The following GEM variants were observed in gnomAD, a reference collection of about 807,000 sequenced individuals.
GEM encodes GTP-binding protein GEM.
In GEM, 31 loss-of-function variants were observed where a neutral mutation model predicts 33.0. The observed-to-expected ratio is 0.94, with a 90% confidence interval of 0.71 to 1.27. The LOEUF is 1.27. Among genes scored for constraint, GEM ranks in the 50% most tolerant of loss-of-function variants. GEM has a pLI of 0.00. For missense variants in GEM, 354 were observed against 390.5 expected, an observed-to-expected ratio of 0.91 and a Z score of 0.79; for synonymous variants, 141 against 143.7, an observed-to-expected ratio of 0.98 and a Z score of 0.13.
rs759984927 is a variant in GEM, at chr8:94,260,150, C to G, written c.331+23G>C. On this transcript the variant is annotated intron_variant, in intron 2 of 4. Transcript: ENST00000297596. ...CTGGGCCACCCCTGGTGGAAAGAAG[C>G]CCACTGGGGCTGGGACACCTACCTC... is the stretch of plus-strand genomic sequence containing the variant. 12 of 1,493,806 alleles carry G rather than the reference C, an allele frequency of 8.0e-6. No individual in the cohort carries two copies. In the South Asian group the frequency reaches 1.3e-4, roughly 16 times the overall value. The allele number at this position is 1,493,806 out of a possible 1,614,324, so 92.5% of individuals were successfully genotyped here.
rs1378667182 is a variant in GEM, at chr8:94,260,391, T to C, written c.113A>G (p.His38Arg). ...ATGGCGGTTGCGGTGGCTGTACTGG[T>C]GGGGCTCTTTCTGGACCATCAGATG... ...GRHLMVQKEP[H>R]QYSHRNRHSA... Residue 38 changes from histidine (H) to arginine (R), a missense_variant, in exon 2 of 5, where the codon CAC becomes CGC. Physicochemically the swap from His to Arg is conservative, Grantham distance 29. Coordinates refer to ENST00000297596, the MANE Select transcript of GEM (RefSeq NM_005261.4). The C allele has an allele frequency of 6.2e-7, 1 of 1,613,970 alleles. No homozygotes were observed. The highest frequency in any genetic ancestry group is 1.7e-5 in the Admixed American group (1 of 60,004).
intron 2 of GEM, among the ~76,000 whole-genome samples, chr8:94,259,407 C>T (rs1449694693): frequency 1.3e-5 from 2 of 152,126 alleles, no homozygotes; most frequent in African/African-American, 4.8e-5. Flanking sequence ...CTACCCTGGT[C>T]GCATACGCTC....
intron 2 of GEM, among the ~76,000 whole-genome samples, chr8:94,253,828 C>G (rs941040389): frequency 1.3e-5 from 2 of 152,122 alleles, no homozygotes; most frequent in African/African-American, 4.8e-5. Flanking sequence ...TGGGCCAAAG[C>G]AGTTCCAGCC....
chr8:94,259,927 A>T lies in GEM; in HGVS notation c.331+246T>A, dbSNP rs1586066018. ...AATCAGCCTTCCCCAACCCATTTAG[A>T]ATTGGAATCTGAAGAATTCCCTTTC... On this transcript the variant is annotated intron_variant, in intron 2 of 4. Coordinates refer to ENST00000297596, the MANE Select transcript of GEM (RefSeq NM_005261.4). 2.0e-5 allele frequency: 9 copies of T among 449,136 alleles called. No individual in the cohort carries two copies. The East Asian group carries it at 3.1e-4, about 16-fold the overall frequency. 27.8% of individuals were successfully genotyped at this position (449,136 alleles called of 1,614,324 possible).
chr8:94,250,116 T>C lies in GEM; in HGVS notation c.*194A>G. ...TCAAATAGCAAGGTCAGGCTTTTCC[T>C]GGAAATAAATACTGACTTTTTACAA... On this transcript the variant is annotated 3_prime_UTR_variant, in exon 5 of 5. Coordinates refer to ENST00000297596, the MANE Select transcript of GEM (RefSeq NM_005261.4). 1.7e-6 allele frequency: 1 copy of C among 579,604 alleles called. No individual in the cohort carries two copies. Among genetic ancestry groups the C allele is most frequent in the Non-Finnish European group, 3.0e-6 (1 of 330,472 alleles). 35.9% of individuals were successfully genotyped at this position (579,604 alleles called of 1,614,324 possible). A position where few individuals can be genotyped will look rare whatever the true frequency, so the allele number is the denominator to read the frequency against.
At position 94,252,136 on chromosome 8, in the gene GEM, C is replaced by G; in HGVS notation, c.496G>C (p.Glu166Gln). ...TGGATTCGCAGCTCAGATGCCTTCT[C>G]GAAGCTCGCTCGGTCTGTGATTGAG... ...VYSITDRASF[E>Q]KASELRIQLR... Residue 166 changes from glutamate to glutamine, a missense_variant, in exon 4 of 5, where the codon GAG becomes CAG. Glu to Gln is a conservative substitution (Grantham distance 29). Transcript: ENST00000297596. The G allele has an allele frequency of 2.5e-6, 4 of 1,613,768 alleles. No individual in the cohort carries two copies. Among genetic ancestry groups the G allele is most frequent in the Non-Finnish European group, 3.4e-6 (4 of 1,179,682 alleles).
chr8:94,252,936 T>A, intron 3 of GEM, 100 bp downstream of exon 3: 1 of 684,972 alleles, frequency 1.5e-6, no homozygotes, highest in East Asian at 2.6e-5. Context: ...GCCCACCTCA[T>A]CTGGAACACC....
intron 2 of GEM, among the ~76,000 whole-genome samples, chr8:94,257,820 T>C (rs976370079): frequency 2.0e-5 from 3 of 151,870 alleles, no homozygotes; most frequent in Admixed American, 6.6e-5. Flanking sequence ...GAAATCATTA[T>C]GAGAATATTA....
chr8:94,251,275 A>T (rs1246892157), intron 4 of GEM, among the ~76,000 whole-genome samples: 3 of 152,230 alleles, frequency 2.0e-5, no homozygotes, highest in African/African-American at 7.2e-5. Context: ...CAAGTATTTC[A>T]TTGCATTCAA....
chr8:94,255,929 T>C (rs1355537092), intron 2 of GEM, among the ~76,000 whole-genome samples: 1 of 152,184 alleles, frequency 6.6e-6, no homozygotes, highest in African/African-American at 2.4e-5. Flanking sequence ...TTTCCTCATT[T>C]GATCCCCCTG....
intron 2 of GEM, among the ~76,000 whole-genome samples, chr8:94,255,433 C>T (rs1808869577): frequency 2.0e-5 from 3 of 152,144 alleles, no homozygotes; most frequent in Admixed American, 6.5e-5. Context: ...CTGCTCAGCA[C>T]GTGTGCTCCC....
chr8:94,259,080 T>A (rs555522301), intron 2 of GEM, among the ~76,000 whole-genome samples: 10 of 152,312 alleles, frequency 6.6e-5, no homozygotes, highest in African/African-American at 2.4e-4. Flanking sequence ...TCTTCTGAGA[T>A]TCCAGGAGTG....
chr8:94,252,099 G>T lies in GEM; in HGVS notation c.533C>A (p.Ala178Asp). 3 of 1,614,046 alleles carry T rather than the reference G, an allele frequency of 1.9e-6. No individual in the cohort carries two copies. The highest frequency in any genetic ancestry group is 2.5e-6 in the Non-Finnish European group (3 of 1,179,940). Residue 178 changes from alanine to aspartate, a missense_variant, in exon 4 of 5, where the codon GCC (alanine) becomes GAC (aspartate). Transcript: ENST00000297596. ...ASELRIQLRR[A>D]RQTEDIPIIL... ...TATGGGAATGTCCTCTGTCTGCCGG[G>T]CCCTGCGGAGCTGGATTCGCAGCTC...
At chr8:94,261,798 G>A (rs1489197370) in intron 1 of GEM, among the ~76,000 whole-genome samples, 1 of 152,038 alleles carries the variant, frequency 6.6e-6, no homozygotes, top group East Asian at 1.9e-4. Context: ...TAAAGTATAA[G>A]TACTTACGTT....
chr8:94,251,382 T>C (rs1563605158), intron 4 of GEM, among the ~76,000 whole-genome samples: 1 of 152,214 alleles, frequency 6.6e-6, no homozygotes, highest in Non-Finnish European at 1.5e-5. Flanking sequence ...GTACATTGTC[T>C]TTATCAGGTG....
At position 94,253,944 on chromosome 8, in the gene GEM, A is replaced by T. The variant is rs542546937; in HGVS notation, c.332-832T>A. 8.5e-5 allele frequency among the ~76,000 whole-genome samples: 13 copies of T among 152,298 alleles called. No homozygotes were observed. In the South Asian group the frequency reaches 1.2e-3, roughly 15 times the overall value. On this transcript the variant is annotated intron_variant, in intron 2 of 4. Coordinates refer to ENST00000297596, the MANE Select transcript of GEM (RefSeq NM_005261.4). Reference sequence around the variant, plus strand: ...TTGAGCCCATCCCCACTCTATTTTCACAATGAGGTTTCCTGTTTTGAATTT... The same window carrying T: ...TTGAGCCCATCCCCACTCTATTTTCTCAATGAGGTTTCCTGTTTTGAATTT...
At position 94,260,499 on chromosome 8, in the gene GEM, G is replaced by A. The variant is rs746033873; in HGVS notation, c.5C>T (p.Thr2Ile). The A allele has an allele frequency of 6.3e-7, 1 of 1,592,850 alleles. No individual in the cohort carries two copies. The highest frequency in any genetic ancestry group is 1.1e-5 in the South Asian group (1 of 89,702). M[T>I]LNNVTMRQGT... ...CTGGCGCATGGTGACATTATTCAGAGTCATCGTTGAGTCCTGGGGAGCAAA... is the reference window on the plus strand; with the variant it reads ...CTGGCGCATGGTGACATTATTCAGAATCATCGTTGAGTCCTGGGGAGCAAA... The change falls in exon 2 of 5, where the codon ACT becomes ATT. Residue 2 changes from threonine to isoleucine, a missense_variant. Coordinates refer to ENST00000297596, the MANE Select transcript of GEM (RefSeq NM_005261.4).
At chr8:94,258,485 G>A (rs1026994543) in intron 2 of GEM, among the ~76,000 whole-genome samples, 1 of 152,184 alleles carries the variant, frequency 6.6e-6, no homozygotes, top group Non-Finnish European at 1.5e-5. Flanking sequence ...TGTGGCTGAT[G>A]CCCAATGTGC....
chr8:94,257,634 T>C (rs1408880125), intron 2 of GEM, among the ~76,000 whole-genome samples: 1 of 152,136 alleles, frequency 6.6e-6, no homozygotes, highest in African/African-American at 2.4e-5. Flanking sequence ...ACTGTGAGCA[T>C]CTCCGCAGAA....
Sources: gnomAD v4.1 joint callset for allele counts (sites outside exome capture counted in the v4.1 genomes callset) on GRCh38, gnomAD v4.1.1 for gene constraint, MANE v1.5 for transcripts, NCBI Gene and HGNC (gene_info 2026-07-23, HGNC 2026-07-21) for gene names.